CEP72: variants seen among roughly 807,000 people sequenced by gnomAD.
The protein encoded by CEP72 is centrosomal protein 72.
CEP72 carries 78 observed loss-of-function variants against 65.7 expected under a neutral mutation model. That is an observed-to-expected ratio of 1.19 (90% CI 0.99 to 1.43). The LOEUF (loss-of-function observed/expected upper bound fraction) is 1.43. Ranked by LOEUF, CEP72 falls within the 40% of genes most tolerant of loss-of-function variation. The pLI is 0.00. For synonymous variants in CEP72, 358 were observed against 351.7 expected (o/e 1.02, Z -0.20); for missense variants, 914 against 832.9 (o/e 1.10, Z -1.20).
chr5:635,719 T>G (rs549150444), intron 6 of CEP72, 135 bp downstream of exon 6: 2 of 687,602 alleles, frequency 2.9e-6, no homozygotes, highest in Non-Finnish European at 5.0e-6. Context: ...TGCCGGCACC[T>G]GGTGCTGGTC....
the CEP72 span, among the ~76,000 whole-genome samples, chr5:672,194 C>T: frequency 6.6e-6 from 1 of 152,164 alleles, no homozygotes; most frequent in East Asian, 1.9e-4. Flanking sequence ...GACCACAGAC[C>T]CCAGTGCCGG....
chr5:636,059 T>A (rs1472919605), intron 6 of CEP72, among the ~76,000 whole-genome samples: 1 of 152,268 alleles, frequency 6.6e-6, no homozygotes, highest in Non-Finnish European at 1.5e-5. Flanking sequence ...CTTAATACTG[T>A]TAGAGTGGCA....
downstream of CEP72, among the ~76,000 whole-genome samples, chr5:654,210 G>C (rs1286787745): frequency 6.8e-6 from 1 of 147,306 alleles, no homozygotes; most frequent in Non-Finnish European, 1.5e-5. Context: ...CATGCTAGCT[G>C]TGTGTGCGCT....
intron 2 of CEP72, chr5:664,981 A>G (rs1739832709): frequency 1.6e-6 from 2 of 1,244,806 alleles, no homozygotes; most frequent in Non-Finnish European, 2.2e-6. Context: ...GCCGCCCCCC[A>G]GCCCCCTCTG....
chr5:665,054 G>A (rs1739836232), intron 2 of CEP72: 3 of 1,574,744 alleles, frequency 1.9e-6, no homozygotes, highest in East Asian at 2.2e-5. Context: ...AGGTGACAGA[G>A]TCCCTGCTCT....
intron 11 of CEP72, among the ~76,000 whole-genome samples, chr5:649,635 G>C (rs1738794767): frequency 1.5e-5 from 1 of 65,572 alleles, no homozygotes; most frequent in Non-Finnish European, 3.2e-5. Context: ...ACTGTGAGGT[G>C]TGACTGTGAG....
chr5:640,726 T>C, intron 9 of CEP72, 122 bp downstream of exon 9: 1 of 1,445,072 alleles, frequency 6.9e-7, no homozygotes, highest in East Asian at 2.5e-5. Flanking sequence ...TGCAGCCCCA[T>C]GTCTCCACTC....
intron 10 of CEP72, 92 bp downstream of exon 10, chr5:644,517 T>C (rs1738286078): frequency 1.4e-6 from 2 of 1,430,208 alleles, no homozygotes; most frequent in Non-Finnish European, 1.9e-6. Flanking sequence ...CTGAGGGAAG[T>C]GAGCAGCAGC....
At chr5:616,636 G>A (rs770078406) in intron 1 of CEP72, among the ~76,000 whole-genome samples, 2 of 152,102 alleles carry the variant, frequency 1.3e-5, no homozygotes, top group Non-Finnish European at 2.9e-5. Context: ...CCTTGTTGCC[G>A]GGACAGTCAT....
At chr5:673,735 C>T in the CEP72 span, among the ~76,000 whole-genome samples, 1 of 152,270 alleles carries the variant, frequency 6.6e-6, no homozygotes, top group East Asian at 1.9e-4. Flanking sequence ...GGTGAATGTG[C>T]TGGAGCAGGG....
intron 7 of CEP72, among the ~76,000 whole-genome samples, chr5:638,726 GTGGGTGCAGGCTGC>G (rs1344435127): frequency 2.0e-5 from 3 of 152,188 alleles, no homozygotes; most frequent in African/African-American, 7.2e-5. Flanking sequence ...CAGCCTGACT[GTGGGTGCAGGCTGC>G]TTCCTGGGCA....
chr5:636,562 A>T (rs569912207), intron 6 of CEP72, among the ~76,000 whole-genome samples: 1 of 152,156 alleles, frequency 6.6e-6, no homozygotes, highest in African/African-American at 2.4e-5. Flanking sequence ...TATAATCCCA[A>T]TATTTTGGGA....
chr5:631,682 TA>T, intron 4 of CEP72, among the ~76,000 whole-genome samples: 1 of 56,064 alleles, frequency 1.8e-5, no homozygotes. Context: ...TGCCGGGATT[TA>T]GACCAGTCCT....
At chr5:672,799 CTT>C in the CEP72 span, among the ~76,000 whole-genome samples, 2 of 152,400 alleles carry the variant, frequency 1.3e-5, no homozygotes, top group East Asian at 3.9e-4. Flanking sequence ...ACCGCACGCT[CTT>C]TGCAGGAGGG....
At chr5:666,547 C>T (rs1739923350) in intron 4 of CEP72, among the ~76,000 whole-genome samples, 1 of 152,210 alleles carries the variant, frequency 6.6e-6, no homozygotes, top group Non-Finnish European at 1.5e-5. Context: ...CACACAGGAA[C>T]ATGGTTAGGA....
At chr5:640,896 G>T in intron 9 of CEP72, 3 of 985,462 alleles carry the variant, frequency 3.0e-6, no homozygotes, top group Non-Finnish European at 3.6e-6. Context: ...GCCAGGCCTG[G>T]ACGTGACTTT....
intron 8 of CEP72, among the ~76,000 whole-genome samples, chr5:640,126 G>T (rs1022022238): frequency 1.3e-5 from 2 of 152,222 alleles, no homozygotes; most frequent in African/African-American, 4.8e-5. Flanking sequence ...TGTGGAAGGC[G>T]CAGCGAGTTG....
intron 4 of CEP72, among the ~76,000 whole-genome samples, chr5:666,488 G>A (rs1488681407): frequency 2.0e-5 from 3 of 152,198 alleles, no homozygotes; most frequent in Non-Finnish European, 4.4e-5. Flanking sequence ...GACCTGCTGG[G>A]GCCCCGGCTC....
At position 624,330 on chromosome 5, in the gene CEP72, G is replaced by C. The variant is rs1331495818; in HGVS notation, c.404-141G>C. ...GCCGGGAAGCTGTGGGACCACCAGA[G>C]CCCAGCATTCCGGTGCTAGGTTAGT... On this transcript the variant is annotated intron_variant, in intron 3 of 11. Transcript: ENST00000264935. This position sits in a 1 kb window ranked among gnomAD's most constrained non-coding sequence, Gnocchi z 4.7. 3.1e-6 allele frequency: 2 copies of C among 637,408 alleles called. No individual in the cohort carries two copies. The highest frequency in any genetic ancestry group is 5.7e-6 in the Non-Finnish European group (2 of 352,904). 39.5% of individuals were successfully genotyped at this position (637,408 alleles called of 1,614,324 possible).
Sources: allele counts gnomAD v4.1 joint callset (sites outside exome capture counted in the v4.1 genomes callset), GRCh38; gene constraint gnomAD v4.1.1; non-coding constraint Gnocchi (gnomAD v3.1); transcripts MANE v1.5; gene names NCBI Gene and HGNC (gene_info 2026-07-23, HGNC 2026-07-21).